Variants in FCHO1 observed in about 807,000 individuals in gnomAD.
FCHO1 encodes the protein FCH and mu domain containing endocytic adaptor 1.
A neutral mutation model predicts 114.4 loss-of-function variants in FCHO1; 45 were observed. The observed-to-expected ratio is 0.39, with a 90% confidence interval of 0.31 to 0.50. The LOEUF (loss-of-function observed/expected upper bound fraction) is 0.50. FCHO1 is among the 20% of genes least tolerant of loss of function. The pLI is 0.77. For synonymous variants in FCHO1, 480 were observed against 488.9 expected (o/e 0.98, Z 0.24); for missense variants, 1,042 against 1,209.6 (o/e 0.86, Z 2.06).
intron 4 of FCHO1, among the ~76,000 whole-genome samples, chr19:17,758,112 G>A (rs368414197): frequency 7.9e-5 from 12 of 152,058 alleles, no homozygotes; most frequent in African/African-American, 2.9e-4. Flanking sequence ...CTATTGAGGA[G>A]GCTGAGGCAG....
intron 4 of FCHO1, 27 bp downstream of exon 4, chr19:17,755,218 G>A: frequency 6.3e-7 from 1 of 1,595,258 alleles, no homozygotes; most frequent in Non-Finnish European, 8.6e-7. Context: ...TTTAGGCGGG[G>A]GATGCTGGCA....
intron 4 of FCHO1, among the ~76,000 whole-genome samples, chr19:17,756,796 A>C (rs140670955): frequency 0.014 from 2,058 of 152,284 alleles, 19 homozygotes; most frequent in Non-Finnish European, 0.022. Flanking sequence ...GGGATGCCCC[A>C]GTCTCATTGC....
chr19:17,751,743 G>A lies in FCHO1; in HGVS notation c.-183+166G>A, dbSNP rs368485163. Reference sequence around the variant, plus strand: ...GGGGCCACCCGTTGCCCTGCCCCCCGTCCCCCATTCCAGCTGTGAGTGGTG... The same window carrying A: ...GGGGCCACCCGTTGCCCTGCCCCCCATCCCCCATTCCAGCTGTGAGTGGTG... On this transcript the variant is annotated intron_variant, in intron 1 of 28. Coordinates refer to ENST00000596536, the MANE Select transcript of FCHO1 (RefSeq NM_015122.3). The surrounding 1 kb of genome is among the most constrained non-coding windows in gnomAD (Gnocchi z 4.4). 1.6e-4 allele frequency among the ~76,000 whole-genome samples: 24 copies of A among 152,192 alleles called. No individual in the cohort carries two copies. Among genetic ancestry groups the A allele is most frequent in the African/African-American group, 3.9e-4 (16 of 41,442 alleles).
rs1489096599 is a variant in FCHO1, at chr19:17,775,040, C to A, written c.921-16C>A. ...GCTGCGGAAGCTGACACCAACATCT[C>A]TTCCTCCATCCCCAGAGATTTCCTG... On this transcript the variant is annotated splice_polypyrimidine_tract_variant and intron_variant, in intron 13 of 28. Coordinates refer to ENST00000596536, the MANE Select transcript of FCHO1 (RefSeq NM_015122.3). This position sits in a 1 kb window ranked among gnomAD's most constrained non-coding sequence, Gnocchi z 5.1. 3 of 1,613,446 alleles carry A rather than the reference C, an allele frequency of 1.9e-6. No homozygotes were observed. The East Asian group carries it at 6.7e-5, about 36-fold the overall frequency.
At position 17,755,122 on chromosome 19, in the gene FCHO1, G is replaced by A. The variant is rs187919702; in HGVS notation, c.-43G>A. ...CAAACTTGCCTCTCTCTTCAGACAG[G>A]CACTGGACGGGGCCTGCAGGGGTCT... On this transcript the variant is annotated 5_prime_UTR_variant, in exon 4 of 29. Transcript: ENST00000596536. 10 of 1,608,822 alleles carry A rather than the reference G, an allele frequency of 6.2e-6. No individual in the cohort carries two copies. In the Admixed American group the frequency reaches 1.7e-4, roughly 27 times the overall value.
At chr19:17,772,133 GT>G (rs2091760081) in intron 9 of FCHO1, among the ~76,000 whole-genome samples, 1 of 151,878 alleles carries the variant, frequency 6.6e-6, no homozygotes, top group South Asian at 2.1e-4. Context: ...TCTTAAGTCT[GT>G]TTTTCTCTCT....
chr19:17,765,391 C>T (rs2088497567), intron 6 of FCHO1, among the ~76,000 whole-genome samples: 1 of 151,652 alleles, frequency 6.6e-6, no homozygotes, highest in African/African-American at 2.4e-5. Flanking sequence ...GAACCTTGTG[C>T]CCGGGCGCGG....
In FCHO1 at chr19:17,783,027, C is replaced by G; in HGVS notation, c.1948C>G (p.Arg650Gly). 1.2e-6 allele frequency: 2 copies of G among 1,614,032 alleles called. No individual in the cohort carries two copies. Among genetic ancestry groups the G allele is most frequent in the South Asian group, 2.2e-5 (2 of 91,076 alleles). Residue 650 changes from arginine (R) to glycine (G), a missense_variant, in exon 24 of 29, where the codon CGA (arginine) becomes GGA (glycine). By Grantham distance (125) the Arg-to-Gly change is moderately radical. Around this residue, in one of 3 missense-constraint regions of FCHO1, gnomAD observed 455 missense variants for 455.4 expected, o/e 1.00. Transcript: ENST00000596536. ...CCTCATCCTCCCTAGCTGCCTGGCTCGAGTAACTGGGGAGCTGACCATGAC... is the reference window on the plus strand; with the variant it reads ...CCTCATCCTCCCTAGCTGCCTGGCTGGAGTAACTGGGGAGCTGACCATGAC... ...FRGHSPSCLA[R>G]VTGELTMTFP...
intron 28 of FCHO1, 60 bp from the exon 29 acceptor site, chr19:17,788,223 CG>C: frequency 8.6e-7 from 1 of 1,156,238 alleles, no homozygotes. Flanking sequence ...GGGTCAGAGC[CG>C]GGGAACCCCT....
chr19:17,774,993 G>T (rs2092413534), intron 13 of FCHO1, 63 bp from the exon 14 acceptor site: 3 of 1,586,602 alleles, frequency 1.9e-6, no homozygotes, highest in Non-Finnish European at 1.7e-6. Context: ...AGTGTTGGGG[G>T]CTGACAGGGG....
chr19:17,778,276 T>C (rs763643999), intron 19 of FCHO1, 48 bp downstream of exon 19: 4 of 1,487,124 alleles, frequency 2.7e-6, no homozygotes, highest in Non-Finnish European at 3.8e-6. Context: ...CGGAGGGAGG[T>C]TGGGTGGGGC....
intron 27 of FCHO1, among the ~76,000 whole-genome samples, chr19:17,787,178 C>T (rs892931004): frequency 1.7e-4 from 22 of 130,882 alleles, no homozygotes; most frequent in African/African-American, 5.5e-4. Flanking sequence ...GAGCCGAGAT[C>T]GTGCCACTGC....
chr19:17,774,946 G>C, intron 13 of FCHO1, 110 bp from the exon 14 acceptor site: 1 of 1,238,610 alleles, frequency 8.1e-7, no homozygotes, highest in Non-Finnish European at 1.2e-6. Context: ...GCTCAGGGCA[G>C]TATCACAGTC....
intron 7 of FCHO1, among the ~76,000 whole-genome samples, chr19:17,768,237 T>A (rs985620653): frequency 6.6e-6 from 1 of 152,048 alleles, no homozygotes; most frequent in East Asian, 1.9e-4. Context: ...CCTGGCTAAT[T>A]TTTTGTATTT....
At chr19:17,787,894 C>A (rs898459836) in intron 28 of FCHO1, 48 bp downstream of exon 28, 5 of 1,583,320 alleles carry the variant, frequency 3.2e-6, no homozygotes, top group Non-Finnish European at 4.3e-6. Context: ...CGAGATCTTA[C>A]AGGGGCAAGC....
chr19:17,757,862 G>A (rs923059513), intron 4 of FCHO1, among the ~76,000 whole-genome samples: 1 of 143,578 alleles, frequency 7.0e-6, no homozygotes, highest in Non-Finnish European at 1.5e-5. Context: ...GTTTCAGTGA[G>A]CCAAGATCAT....
chr19:17,776,552 C>A lies in FCHO1; in HGVS notation c.1208-83C>A, dbSNP rs184289911. The A allele has an allele frequency of 1.3e-4, 203 of 1,514,802 alleles. No homozygotes were observed. Among genetic ancestry groups the A allele is most frequent in the Non-Finnish European group, 4.9e-5 (54 of 1,091,556 alleles). The allele number at this position is 1,514,802 out of a possible 1,614,324, so 93.8% of individuals were successfully genotyped here. A position where few individuals can be genotyped will look rare whatever the true frequency, so the allele number is the denominator to read the frequency against. ...CCTTGGGCAACTGGCTGGACACCCCCGAGCCTCGGTCCCTTGGTCTGTGGA... is the reference window on the plus strand; with the variant it reads ...CCTTGGGCAACTGGCTGGACACCCCAGAGCCTCGGTCCCTTGGTCTGTGGA... On this transcript the variant is annotated intron_variant, in intron 17 of 28. Coordinates refer to ENST00000596536, the MANE Select transcript of FCHO1 (RefSeq NM_015122.3). The surrounding 1 kb of genome is among the most constrained non-coding windows in gnomAD (Gnocchi z 4.4).
chr19:17,760,688 C>T (rs2085767374), intron 4 of FCHO1, among the ~76,000 whole-genome samples: 1 of 152,146 alleles, frequency 6.6e-6, no homozygotes, highest in Non-Finnish European at 1.5e-5. Flanking sequence ...AGGCAGATGT[C>T]TCCCAGGCTG....
Position 17,781,455 on chromosome 19 carries a change from C to T in FCHO1, c.1744C>T (p.Arg582Cys), listed in dbSNP as rs768328075. The T allele has an allele frequency of 1.2e-5, 20 of 1,613,958 alleles. No individual in the cohort carries two copies. The highest frequency in any genetic ancestry group is 2.7e-5 in the African/African-American group (2 of 74,914). Residue 582 changes from arginine (R) to cysteine (C), a missense_variant, in exon 22 of 29, where the codon CGT (arginine) becomes TGT (cysteine). Arg to Cys is a radical substitution (Grantham distance 180). This residue lies in a region of FCHO1 where 455 missense variants were observed against 455.4 expected (regional missense o/e 1.00). Coordinates refer to ENST00000596536, the MANE Select transcript of FCHO1 (RefSeq NM_015122.3). ...AGATTGTCTCTTTCCCTTCCAGTCT[C>T]GTTCCCTGAGCCCCTCCCCACTGGG... Reference protein sequence around the residue: ...PLTRSNGDLSRSLSPSPLGSS... With the variant: ...PLTRSNGDLSCSLSPSPLGSS...
Sources: gnomAD v4.1 joint callset for allele counts (sites outside exome capture counted in the v4.1 genomes callset) on GRCh38, gnomAD v4.1.1 for gene constraint, gnomAD v4.1.1 regional missense constraint, Gnocchi (gnomAD v3.1) non-coding constraint, MANE v1.5 for transcripts, NCBI Gene and HGNC (gene_info 2026-07-23, HGNC 2026-07-21) for gene names.